Variants in ARSF observed in about 807,000 individuals in gnomAD.
ARSF encodes the protein arylsulfatase F.
A neutral mutation model predicts 35.4 loss-of-function variants in ARSF; 33 were observed. That is an observed-to-expected ratio of 0.93 (90% CI 0.71 to 1.25). The LOEUF (loss-of-function observed/expected upper bound fraction) is 1.25, where lower values mean the gene tolerates loss of function less well. ARSF is among the 50% of genes most tolerant of loss of function. The pLI, the probability that ARSF is intolerant of heterozygous loss-of-function variation, is 0.00. For missense variants in ARSF, 501 were observed against 480.2 expected, an observed-to-expected ratio of 1.04 and a Z score of -0.40; for synonymous variants, 222 against 193.1, an observed-to-expected ratio of 1.15 and a Z score of -1.24.
intron 2 of ARSF, among the ~76,000 whole-genome samples, chrX:3,068,664 A>T (rs1414083091): frequency 1.8e-5 from 2 of 111,458 alleles, no homozygotes; most frequent in Non-Finnish European, 3.8e-5. Context: ...GGCTCAAGGA[A>T]TCCCCCCGCC....
intron 4 of ARSF, 77 bp downstream of exon 4, chrX:3,076,746 G>A (rs1424900029): frequency 1.6e-5 from 18 of 1,145,718 alleles, no homozygotes; most frequent in Middle Eastern, 2.4e-4. Context: ...GCTTGACCAC[G>A]TTAACAAGTA....
intron 7 of ARSF, among the ~76,000 whole-genome samples, chrX:3,095,007 C>T (rs1265715770): frequency 9.3e-6 from 1 of 107,656 alleles, no homozygotes; most frequent in Non-Finnish European, 1.9e-5. Context: ...TAGAAAGGTA[C>T]GAATCATTTC....
rs377536832 is a variant in ARSF, at chrX:3,072,615, T to C, written c.161+440T>C. Among the ~76,000 whole-genome samples, 179 of 110,720 alleles carry C rather than the reference T, an allele frequency of 1.6e-3. 1 individual carries two copies. Among genetic ancestry groups the C allele is most frequent in the African/African-American group, 5.3e-3 (162 of 30,517 alleles). On this transcript the variant is annotated intron_variant, in intron 3 of 10. Transcript: ENST00000381127. ...GAACCTCTCTGTGCCTGTTTTCTTA[T>C]TTGTCGAATGCAGAGAAGGCTTTAT... is the stretch of plus-strand genomic sequence containing the variant.
At chrX:3,093,139 T>G (rs1043570284) in intron 7 of ARSF, among the ~76,000 whole-genome samples, 6 of 111,799 alleles carry the variant, frequency 5.4e-5, no homozygotes, top group Non-Finnish European at 9.4e-5. Flanking sequence ...CACTCCAGCC[T>G]GGGCAACGGA....
At chrX:3,073,576 CAT>C (rs1396158253) in intron 3 of ARSF, among the ~76,000 whole-genome samples, 1 of 91,068 alleles carries the variant, frequency 1.1e-5, no homozygotes, top group Non-Finnish European at 2.2e-5. Context: ...TTTAATTATA[CAT>C]ATATAAATAT....
rs546135702 is a variant in ARSF, at chrX:3,107,686, A to C, written c.1266-2442A>C. 2.8e-4 allele frequency among the ~76,000 whole-genome samples: 27 copies of C among 94,852 alleles called. No individual in the cohort carries two copies. In the South Asian group the frequency reaches 0.011, roughly 38 times the overall value. The allele number at this position is 94,852 out of a possible 115,157, so 82.4% of individuals were successfully genotyped here. A position where few individuals can be genotyped will look rare whatever the true frequency, so the allele number is the denominator to read the frequency against. ...AAAAGAGTAATCAGGATGGTGTTCT[A>C]ATGCTCTAAATTTTTAAAATTGATA... On this transcript the variant is annotated intron_variant, in intron 9 of 10. Coordinates refer to ENST00000381127, the MANE Select transcript of ARSF (RefSeq NM_001201539.2).
intron 3 of ARSF, 46 bp from the exon 4 acceptor site, chrX:3,076,502 C>A: frequency 8.6e-7 from 1 of 1,157,464 alleles, no homozygotes; most frequent in Non-Finnish European, 1.2e-6. Flanking sequence ...TCCCCCGCCC[C>A]CCACCTTTTC....
chrX:3,097,172 A>T (rs1241535173), intron 7 of ARSF, among the ~76,000 whole-genome samples: 1 of 112,330 alleles, frequency 8.9e-6, no homozygotes, highest in Admixed American at 9.5e-5. Flanking sequence ...CAGCCCAAGG[A>T]AATTCACAGA....
chrX:3,065,510 G>A (rs764199971), intron 1 of ARSF, among the ~76,000 whole-genome samples: 24 of 108,827 alleles, frequency 2.2e-4, no homozygotes, highest in Non-Finnish European at 3.8e-4. Flanking sequence ...GGTGGCAGGT[G>A]CCTGTAATTC....
chrX:3,102,897 C>A (rs1012043706), intron 8 of ARSF, among the ~76,000 whole-genome samples: 7 of 107,608 alleles, frequency 6.5e-5, no homozygotes, highest in African/African-American at 2.4e-4. Flanking sequence ...GGCAACAGAG[C>A]GAGACTCCAT....
chrX:3,060,279 G>C (rs2090036421), intron 1 of ARSF, among the ~76,000 whole-genome samples: 1 of 108,658 alleles, frequency 9.2e-6, no homozygotes, highest in Admixed American at 9.8e-5. Context: ...TCAACAAAAA[G>C]GACATCTACA....
At chrX:3,069,720 T>TA (rs200675454) in intron 2 of ARSF, among the ~76,000 whole-genome samples, 3,116 of 109,186 alleles carry the variant, frequency 0.029, 38 homozygotes, top group Middle Eastern at 0.071. Context: ...TTTTTCTTTT[T>TA]ATTTTTTTCC....
At chrX:3,079,325 T>C (rs956326377) in intron 4 of ARSF, among the ~76,000 whole-genome samples, 1 of 104,192 alleles carries the variant, frequency 9.6e-6, no homozygotes, top group Admixed American at 1.1e-4. Flanking sequence ...AGTGAAATTG[T>C]TGGGTTGCAT....
intron 1 of ARSF, among the ~76,000 whole-genome samples, chrX:3,063,195 A>AAG (rs2090049448): frequency 8.9e-6 from 1 of 111,793 alleles, no homozygotes; most frequent in Non-Finnish European, 1.9e-5. Flanking sequence ...CAGAACCATC[A>AAG]ACAAAAACCA....
At chrX:3,079,465 C>G (rs920626244) in intron 4 of ARSF, among the ~76,000 whole-genome samples, 68 of 107,856 alleles carry the variant, frequency 6.3e-4, no homozygotes, top group Non-Finnish European at 1.1e-3. Context: ...CTGCCTCAGC[C>G]TCCTGAGTAG....
chrX:3,093,160 G>A (rs150017946), intron 7 of ARSF, among the ~76,000 whole-genome samples: 2,587 of 111,513 alleles, frequency 0.023, 73 homozygotes, highest in African/African-American at 0.081. Context: ...GCGAGACTCC[G>A]TCTCAAAAGA....
At chrX:3,065,011 A>G (rs1393042167) in intron 1 of ARSF, among the ~76,000 whole-genome samples, 2 of 110,931 alleles carry the variant, frequency 1.8e-5, no homozygotes, top group Non-Finnish European at 3.8e-5. Context: ...CACTATTCAC[A>G]ATAGCAAAGA....
Position 3,080,876 on chromosome X carries a change from C to T in ARSF, c.284-15C>T. 2 of 1,206,703 alleles carry T rather than the reference C, an allele frequency of 1.7e-6. No individual in the cohort carries two copies. The highest frequency in any genetic ancestry group is 2.2e-6 in the Non-Finnish European group (2 of 893,841). On this transcript the variant is annotated splice_polypyrimidine_tract_variant and intron_variant, in intron 4 of 10. Coordinates refer to ENST00000381127, the MANE Select transcript of ARSF (RefSeq NM_001201539.2). The stretch of plus-strand genomic sequence containing the variant: ...CAACACCTACTCATTGTACTTTTTT[C>T]CACACTACATCTAGGTATGGTTTCT...
At chrX:3,107,157 A>G (rs1405470469) in intron 9 of ARSF, among the ~76,000 whole-genome samples, 1 of 112,177 alleles carries the variant, frequency 8.9e-6, no homozygotes, top group African/African-American at 3.2e-5. Flanking sequence ...TAAAAGGACC[A>G]TAAGCCTAAA....
Sources: gnomAD v4.1 joint callset for allele counts (sites outside exome capture counted in the v4.1 genomes callset) on GRCh38, gnomAD v4.1.1 for gene constraint, MANE v1.5 for transcripts, NCBI Gene and HGNC (gene_info 2026-07-23, HGNC 2026-07-21) for gene names.